The following RRP1B variants were observed in gnomAD, a reference collection of about 807,000 sequenced individuals.
RRP1B encodes ribosomal RNA processing 1B.
RRP1B carries 56 observed loss-of-function variants against 80.2 expected under a neutral mutation model. The observed-to-expected ratio is 0.70, with a 90% CI of 0.56 to 0.87. The LOEUF is 0.87. RRP1B is among the 40% of genes least tolerant of loss of function. RRP1B has a pLI of 0.00. For synonymous variants in RRP1B, 351 were observed against 357.6 expected, an observed-to-expected ratio of 0.98 and a Z score of 0.21; for missense variants, 807 against 939.8, an observed-to-expected ratio of 0.86 and a Z score of 1.85.
intron 9 of RRP1B, among the ~76,000 whole-genome samples, chr21:43,684,030 ATTTTT>A (rs571614467): frequency 1.4e-5 from 2 of 139,904 alleles, no homozygotes; most frequent in African/African-American, 2.8e-5. Flanking sequence ...CTCTATCACA[ATTTTT>A]TTTTTTTAAG....
chr21:43,689,899 C>T (rs562535082), intron 13 of RRP1B, among the ~76,000 whole-genome samples: 96 of 152,402 alleles, frequency 6.3e-4, no homozygotes, highest in African/African-American at 2.2e-3. Context: ...GTGAGGGACC[C>T]ACAGCCCCAC....
intron 10 of RRP1B, among the ~76,000 whole-genome samples, 181 bp from the exon 11 acceptor site, chr21:43,685,589 C>T (rs2083059772): frequency 6.6e-6 from 1 of 152,198 alleles, no homozygotes; most frequent in Non-Finnish European, 1.5e-5. Context: ...TATTGCACCA[C>T]CCTTCCCTCA....
rs537747545 is a variant in RRP1B, at chr21:43,691,352, C to T, written c.2020-87C>T. ...AGCAGCAGTGTGGGCGGCATACCCT[C>T]CAGGGCAGGTTCTCCAGAAAAATCT... On this transcript the variant is annotated intron_variant, in intron 14 of 15. Transcript: ENST00000340648. This position sits in a 1 kb window ranked among gnomAD's most constrained non-coding sequence, Gnocchi z 4.2. The T allele has an allele frequency of 1.6e-6, 2 of 1,264,598 alleles. No individual in the cohort carries two copies. Among genetic ancestry groups the T allele is most frequent in the South Asian group, 1.2e-5 (1 of 81,502 alleles). 78.3% of individuals were successfully genotyped at this position (1,264,598 alleles called of 1,614,324 possible). A position where few individuals can be genotyped will look rare whatever the true frequency, so the allele number is the denominator to read the frequency against.
At chr21:43,687,061 T>C in intron 12 of RRP1B, 126 bp downstream of exon 12, 2 of 1,112,448 alleles carry the variant, frequency 1.8e-6, no homozygotes, top group East Asian at 2.5e-5. Flanking sequence ...CTTCAGTCTT[T>C]AATGGCTGAG....
At chr21:43,685,228 C>G (rs556069241) in intron 10 of RRP1B, among the ~76,000 whole-genome samples, 1 of 152,140 alleles carries the variant, frequency 6.6e-6, no homozygotes, top group Non-Finnish European at 1.5e-5. Context: ...CAGAAAGTAG[C>G]TCCTGTAGTT....
In RRP1B at chr21:43,693,153, C is replaced by T; in HGVS notation, c.2084-37C>T. Reference sequence around the variant, plus strand: ...AGGTGTTGAAGGGACAGCTGTCGGACCCACTTAATATGGGGCCTTGCTCTC... The same window carrying T: ...AGGTGTTGAAGGGACAGCTGTCGGATCCACTTAATATGGGGCCTTGCTCTC... On this transcript the variant is annotated intron_variant, in intron 15 of 15. Transcript: ENST00000340648. The surrounding 1 kb of genome is among the most constrained non-coding windows in gnomAD (Gnocchi z 4.1). 1 of 1,608,292 alleles carries T rather than the reference C, an allele frequency of 6.2e-7. No individual in the cohort carries two copies. Among genetic ancestry groups the T allele is most frequent in the Non-Finnish European group, 8.5e-7 (1 of 1,176,336 alleles).
Position 43,666,716 on chromosome 21 carries a change from C to CA in RRP1B, c.131-3150dup, listed in dbSNP as rs34846277. Among the ~76,000 whole-genome samples the CA allele has an allele frequency of 7.6e-3, 963 of 126,994 alleles. 9 individuals carry two copies. The highest frequency in any genetic ancestry group is 0.022 in the African/African-American group (772 of 34,566). The allele number at this position is 126,994 out of a possible 152,430, so 83.3% of individuals were successfully genotyped here. A position where few individuals can be genotyped will look rare whatever the true frequency, so the allele number is the denominator to read the frequency against. ...CTGGGCGACAGAGTGAAACTGTCTCCAAAAAAAAAAAAAAAAAATCCTTAA... is the reference window on the plus strand; with the variant it reads ...CTGGGCGACAGAGTGAAACTGTCTCCAAAAAAAAAAAAAAAAAAATCCTTAA... On this transcript the variant is annotated intron_variant, in intron 1 of 15. Coordinates refer to ENST00000340648, the MANE Select transcript of RRP1B (RefSeq NM_015056.3).
At chr21:43,676,371 T>A (rs751697180) in intron 7 of RRP1B, 35 bp downstream of exon 7, 15 of 1,532,344 alleles carry the variant, frequency 9.8e-6, no homozygotes, top group Non-Finnish European at 1.4e-5. Context: ...TCCTGCTCCG[T>A]GGCATTTGCT....
chr21:43,662,617 A>G (rs1278587039), intron 1 of RRP1B, among the ~76,000 whole-genome samples: 1 of 147,616 alleles, frequency 6.8e-6, no homozygotes, highest in African/African-American at 2.6e-5. Flanking sequence ...TTTTAAAAAT[A>G]AATTGGAAAT....
intron 11 of RRP1B, 113 bp from the exon 12 acceptor site, chr21:43,686,691 C>A (rs114295058): frequency 1.9e-5 from 23 of 1,238,534 alleles, no homozygotes; most frequent in Admixed American, 2.2e-5. Context: ...GTGGGAGAAA[C>A]GGTGAGGAAC....
At chr21:43,681,629 A>G (rs923083493) in intron 8 of RRP1B, among the ~76,000 whole-genome samples, 5 of 151,054 alleles carry the variant, frequency 3.3e-5, no homozygotes, top group Admixed American at 2.0e-4. Flanking sequence ...GTGAGCCACC[A>G]TGCCCGGCCA....
rs969788311 is a variant in RRP1B, at chr21:43,669,897, G to A, written c.144G>A (p.Gln48=). The part of the protein sequence containing the change: ...KTQRETGGFS[Q]EELLKIWKGL... ...TTTGCCTTCCAGGAGGTTTCAGTCA[G>A]GAAGAACTTCTGAAAATCTGGAAGG... Residue 48 remains glutamine (Q), a synonymous_variant, in exon 2 of 16, where the codon CAG becomes CAA. Transcript: ENST00000340648. 1.9e-6 allele frequency: 3 copies of A among 1,612,152 alleles called. No individual in the cohort carries two copies. Among genetic ancestry groups the A allele is most frequent in the African/African-American group, 1.3e-5 (1 of 74,894 alleles).
At chr21:43,664,449 A>G (rs760548038) in intron 1 of RRP1B, among the ~76,000 whole-genome samples, 1 of 152,240 alleles carries the variant, frequency 6.6e-6, no homozygotes, top group African/African-American at 2.4e-5. Context: ...TTGTTCTTAC[A>G]GTGTTTCACA....
chr21:43,669,780 G>A lies in RRP1B; in HGVS notation c.131-104G>A. On this transcript the variant is annotated intron_variant, in intron 1 of 15. Transcript: ENST00000340648. ...TTGCTTCAATTTTTTAAAAAGACGT[G>A]CAAACGAAAGAGAATTAAAATGTAT... The A allele has an allele frequency of 5.3e-6, 4 of 751,838 alleles. No homozygotes were observed. In the East Asian group the frequency reaches 8.0e-5, roughly 15 times the overall value. The allele number at this position is 751,838 out of a possible 1,614,324, so 46.6% of individuals were successfully genotyped here. A position where few individuals can be genotyped will look rare whatever the true frequency, so the allele number is the denominator to read the frequency against.
At chr21:43,687,463 G>A in intron 12 of RRP1B, 53 bp from the exon 13 acceptor site, 1 of 1,453,690 alleles carries the variant, frequency 6.9e-7, no homozygotes, top group Non-Finnish European at 9.0e-7. Context: ...TCGCCAGCAG[G>A]ACTCTGGCCC....
intron 1 of RRP1B, among the ~76,000 whole-genome samples, chr21:43,665,177 G>A (rs1339691538): frequency 6.6e-6 from 1 of 152,208 alleles, no homozygotes; most frequent in Non-Finnish European, 1.5e-5. Flanking sequence ...ATCACTTACT[G>A]TTGGCTTGAC....
chr21:43,692,059 G>C (rs931512797), intron 15 of RRP1B, among the ~76,000 whole-genome samples: 1 of 152,164 alleles, frequency 6.6e-6, no homozygotes, highest in African/African-American at 2.4e-5. Context: ...CCTGGGACCT[G>C]TTAAGAGAAG....
intron 9 of RRP1B, 86 bp downstream of exon 9, chr21:43,683,459 T>G: frequency 9.8e-7 from 1 of 1,020,714 alleles, no homozygotes; most frequent in Non-Finnish European, 1.5e-6. Context: ...CTAGTTAAGC[T>G]ATAAGGCCTG....
At chr21:43,679,733 G>A (rs948490547) in intron 8 of RRP1B, among the ~76,000 whole-genome samples, 23 of 152,102 alleles carry the variant, frequency 1.5e-4, no homozygotes, top group Non-Finnish European at 2.5e-4. Flanking sequence ...CAGTATGGTC[G>A]TTTTCACAAT....
Sources: gnomAD v4.1 joint callset for allele counts (sites outside exome capture counted in the v4.1 genomes callset) on GRCh38, gnomAD v4.1.1 for gene constraint, Gnocchi (gnomAD v3.1) non-coding constraint, MANE v1.5 for transcripts, NCBI Gene and HGNC (gene_info 2026-07-23, HGNC 2026-07-21) for gene names.